P4HA1: variants seen among roughly 807,000 people sequenced by gnomAD.
P4HA1 encodes prolyl 4-hydroxylase subunit alpha-1.
A neutral mutation model predicts 72.8 loss-of-function variants in P4HA1; 24 were observed. The observed-to-expected ratio is 0.33, with a 90% CI of 0.24 to 0.46. The LOEUF is 0.46. Ranked by LOEUF, P4HA1 falls within the 20% of genes least tolerant of loss-of-function variation. P4HA1 has a pLI of 1.00. For synonymous variants in P4HA1, 201 were observed against 218.8 expected (o/e 0.92, Z 0.72); for missense variants, 446 against 640.6 (o/e 0.70, Z 3.28).
chr10:73,079,485 TA>T (rs961272130), intron 1 of P4HA1, among the ~76,000 whole-genome samples: 2 of 152,172 alleles, frequency 1.3e-5, no homozygotes, highest in African/African-American at 4.8e-5. Flanking sequence ...CTCACGCCTG[TA>T]ATCCCAGCAC....
chr10:73,016,309 T>C (rs1315341706), intron 11 of P4HA1, among the ~76,000 whole-genome samples: 4 of 152,178 alleles, frequency 2.6e-5, no homozygotes, highest in Non-Finnish European at 5.9e-5. Flanking sequence ...CCCTTGCTCA[T>C]TGGCTATAAA....
Position 73,051,254 on chromosome 10 carries a change from T to A in P4HA1, c.704-5A>T. 1.3e-6 allele frequency: 2 copies of A among 1,526,018 alleles called. No individual in the cohort carries two copies. The highest frequency in any genetic ancestry group is 1.8e-6 in the Non-Finnish European group (2 of 1,106,352). 94.5% of individuals were successfully genotyped at this position (1,526,018 alleles called of 1,614,324 possible). The stretch of plus-strand genomic sequence containing the variant: ...TAGCTCTCTGATGTTCAGGATCTAT[T>A]AGAAGAGAAACAAAGCATGTCCATG... On this transcript the variant is annotated splice_polypyrimidine_tract_variant and splice_region_variant and intron_variant, in intron 6 of 14. Transcript: ENST00000394890.
chr10:73,092,110 G>C (rs1416626842), intron 1 of P4HA1, among the ~76,000 whole-genome samples: 1 of 152,100 alleles, frequency 6.6e-6, no homozygotes, highest in East Asian at 1.9e-4. Flanking sequence ...GGTAAAGAGA[G>C]ACAAAATAAG....
chr10:73,095,767 A>C (rs938778663), intron 1 of P4HA1, among the ~76,000 whole-genome samples: 2 of 152,350 alleles, frequency 1.3e-5, no homozygotes, highest in South Asian at 4.1e-4. Context: ...TAAAGAAAAC[A>C]GTGCAAAATT....
Position 73,074,042 on chromosome 10 carries a change from G to C in P4HA1, c.77-215C>G. On this transcript the variant is annotated intron_variant, in intron 2 of 14. Coordinates refer to ENST00000394890, the MANE Select transcript of P4HA1 (RefSeq NM_001017962.3). ...TCCAGTTCTAATTTTTAAGCCACTT[G>C]ATTTTGCAAGCTTTAGACTGTGCTA... 1.1e-5 allele frequency: 6 copies of C among 530,258 alleles called. No individual in the cohort carries two copies. In the South Asian group the frequency reaches 1.3e-4, roughly 12 times the overall value. The allele number at this position is 530,258 out of a possible 1,614,324, so 32.8% of individuals were successfully genotyped here. A position where few individuals can be genotyped will look rare whatever the true frequency, so the allele number is the denominator to read the frequency against.
intron 9 of P4HA1, among the ~76,000 whole-genome samples, chr10:73,033,821 G>C (rs2133067678): frequency 6.6e-6 from 1 of 152,316 alleles, no homozygotes; most frequent in Non-Finnish European, 1.5e-5. Context: ...GTTGGACGAA[G>C]CAATGGTTTA....
intron 10 of P4HA1, among the ~76,000 whole-genome samples, chr10:73,025,449 T>C (rs1840243144): frequency 6.6e-6 from 1 of 152,136 alleles, no homozygotes; most frequent in African/African-American, 2.4e-5. Flanking sequence ...AAACTAGGTA[T>C]TGATGGAACA....
intron 9 of P4HA1, among the ~76,000 whole-genome samples, chr10:73,041,893 G>A (rs1311842545): frequency 6.6e-6 from 1 of 150,936 alleles, no homozygotes; most frequent in Non-Finnish European, 1.5e-5. Flanking sequence ...GGAGTGCAGT[G>A]GCATGCTCAT....
Position 73,050,165 on chromosome 10 carries a change from C to CAA in P4HA1, c.900+886_900+887dup, listed in dbSNP as rs549704773. On this transcript the variant is annotated intron_variant, in intron 7 of 14. Coordinates refer to ENST00000394890, the MANE Select transcript of P4HA1 (RefSeq NM_001017962.3). ...TGGGTGATAGGGTGGGTTTCTGTCT[C>CAA]AAAAAAAAAAAAAAAAATACTGCTG... Among the ~76,000 whole-genome samples, 47 of 83,042 alleles carry CAA rather than the reference C, an allele frequency of 5.7e-4. No individual in the cohort carries two copies. The East Asian group carries it at 0.013, about 23-fold the overall frequency. 54.5% of individuals were successfully genotyped at this position (83,042 alleles called of 152,430 possible). A position where few individuals can be genotyped will look rare whatever the true frequency, so the allele number is the denominator to read the frequency against.
chr10:73,032,066 A>C (rs1042168344), intron 9 of P4HA1, among the ~76,000 whole-genome samples: 1 of 152,202 alleles, frequency 6.6e-6, no homozygotes, highest in Non-Finnish European at 1.5e-5. Flanking sequence ...TCCACTAAAA[A>C]TTCATGAATA....
chr10:73,092,386 C>G (rs77677569), intron 1 of P4HA1, among the ~76,000 whole-genome samples: 21,521 of 133,014 alleles, frequency 0.16, 2,731 homozygotes, highest in African/African-American at 0.34. Context: ...GTCTTGCACT[C>G]TCACCCAGGC....
At chr10:73,064,022 G>A (rs1841367728) in intron 5 of P4HA1, among the ~76,000 whole-genome samples, 1 of 152,142 alleles carries the variant, frequency 6.6e-6, no homozygotes, top group Non-Finnish European at 1.5e-5. Flanking sequence ...AGCAAACCGA[G>A]TTTGATGAGA....
At chr10:73,067,054 G>C (rs189568120) in intron 5 of P4HA1, among the ~76,000 whole-genome samples, 57 of 152,196 alleles carry the variant, frequency 3.7e-4, no homozygotes, top group Middle Eastern at 6.8e-3. Context: ...TTTTTGTAGA[G>C]TCAGGGAATT....
intron 7 of P4HA1, among the ~76,000 whole-genome samples, chr10:73,048,070 A>G (rs1371798619): frequency 6.6e-6 from 1 of 152,074 alleles, no homozygotes; most frequent in African/African-American, 2.4e-5. Context: ...AAAACAAAAC[A>G]AAAACAAGTA....
intron 9 of P4HA1, among the ~76,000 whole-genome samples, chr10:73,033,850 C>T (rs1306525946): frequency 6.6e-6 from 1 of 152,168 alleles, no homozygotes; most frequent in Admixed American, 6.5e-5. Flanking sequence ...ATCAAAAGTA[C>T]AGGCAACAAA....
intron 9 of P4HA1, among the ~76,000 whole-genome samples, 163 bp downstream of exon 9, chr10:73,044,818 T>A (rs1840815391): frequency 6.6e-6 from 1 of 152,204 alleles, no homozygotes; most frequent in South Asian, 2.1e-4. Context: ...GAGAAAGACC[T>A]GTGAAACACA....
At chr10:73,085,298 G>A (rs1301070400) in intron 1 of P4HA1, among the ~76,000 whole-genome samples, 3 of 152,036 alleles carry the variant, frequency 2.0e-5, no homozygotes, top group Admixed American at 6.6e-5. Context: ...TCAAGAAAGC[G>A]AAGACAATGT....
chr10:73,042,356 T>A (rs1264219798), intron 9 of P4HA1, among the ~76,000 whole-genome samples: 1 of 152,210 alleles, frequency 6.6e-6, no homozygotes, highest in Non-Finnish European at 1.5e-5. Flanking sequence ...TCCAGCCTAA[T>A]CTTTTTCTTT....
In P4HA1 at chr10:73,011,057, G is replaced by A. The variant is rs369270275; in HGVS notation, c.1369-20C>T. The A allele has an allele frequency of 6.3e-7, 1 of 1,581,116 alleles. No individual in the cohort carries two copies. Among genetic ancestry groups the A allele is most frequent in the Non-Finnish European group, 8.7e-7 (1 of 1,152,718 alleles). Reference sequence around the variant, plus strand: ...ACTCATCTATAAGAAACAAGAGGGTGTTATCAAAAGTGCTGGTAGAATAAA... The same window carrying A: ...ACTCATCTATAAGAAACAAGAGGGTATTATCAAAAGTGCTGGTAGAATAAA... On this transcript the variant is annotated intron_variant, in intron 12 of 14. Transcript: ENST00000394890.
Sources: allele counts gnomAD v4.1 joint callset (sites outside exome capture counted in the v4.1 genomes callset), GRCh38; gene constraint gnomAD v4.1.1; transcripts MANE v1.5; gene names NCBI Gene and HGNC (gene_info 2026-07-23, HGNC 2026-07-21).